SLC24A4: variants seen among roughly 807,000 people sequenced by gnomAD.
SLC24A4 encodes solute carrier family 24 member 4.
Under a neutral mutation model 79.0 loss-of-function variants are expected in SLC24A4, and 53 were observed. The ratio of observed to expected loss-of-function variants is 0.67; its 90% confidence interval spans 0.54 to 0.84. The LOEUF (loss-of-function observed/expected upper bound fraction) is 0.84. Among genes scored for constraint, SLC24A4 ranks in the 40% least tolerant of loss-of-function variants. The pLI is 0.00. For missense variants in SLC24A4, 731 were observed against 822.0 expected (o/e 0.89, Z 1.35); for synonymous variants, 323 against 323.8 (o/e 1.00, Z 0.03).
rs1436114486 is a variant in SLC24A4 at position 92,353,283 on chromosome 14, C to T, written c.241+27305C>T. On this transcript the variant is annotated intron_variant, in intron 2 of 16. Coordinates refer to ENST00000532405, the MANE Select transcript of SLC24A4 (RefSeq NM_153646.4). This position sits in a 1 kb window ranked among gnomAD's most constrained non-coding sequence, Gnocchi z 4.1. ...AATAATTAAATGTTTCTTTTCCCAT[C>T]CTTTAATCATCTACATAGTATTCTA... Among the ~76,000 whole-genome samples the T allele has an allele frequency of 2.6e-5, 4 of 152,206 alleles. No homozygotes were observed. Among genetic ancestry groups the T allele is most frequent in the Non-Finnish European group, 5.9e-5 (4 of 68,044 alleles).
At chr14:92,493,017 C>T (rs34875253) in intron 16 of SLC24A4, 1 of 280,910 alleles carries the variant, frequency 3.6e-6, no homozygotes. Context: ...CACACACACA[C>T]AGAGAAAGAT....
At chr14:92,377,293 A>G (rs1207946952) in intron 2 of SLC24A4, among the ~76,000 whole-genome samples, 1 of 152,176 alleles carries the variant, frequency 6.6e-6, no homozygotes, top group Non-Finnish European at 1.5e-5. Context: ...ATTTAGATGA[A>G]CCCACATTTA....
chr14:92,346,596 T>G (rs1259742210), intron 2 of SLC24A4, among the ~76,000 whole-genome samples: 1 of 152,218 alleles, frequency 6.6e-6, no homozygotes, highest in Non-Finnish European at 1.5e-5. Flanking sequence ...CAAGCTGTTA[T>G]TTATATTGCA....
chr14:92,397,285 C>G (rs911362078), intron 2 of SLC24A4, among the ~76,000 whole-genome samples: 5 of 152,192 alleles, frequency 3.3e-5, no homozygotes, highest in Admixed American at 2.6e-4. Flanking sequence ...GTCCCCAGCT[C>G]CTTCTGCTCC....
chr14:92,418,376 C>G (rs545999906), intron 2 of SLC24A4, among the ~76,000 whole-genome samples: 282 of 152,320 alleles, frequency 1.9e-3, no homozygotes, highest in Non-Finnish European at 3.4e-3. Flanking sequence ...TGGCTCCTCA[C>G]TCTTCCCATC....
intron 7 of SLC24A4, among the ~76,000 whole-genome samples, chr14:92,444,903 T>C (rs1325112540): frequency 4.0e-5 from 6 of 148,230 alleles, no homozygotes; most frequent in South Asian, 2.1e-4. Flanking sequence ...ACACCATATA[T>C]ACACACACAC....
chr14:92,330,756 CTCTT>C (rs1302845133), intron 2 of SLC24A4, among the ~76,000 whole-genome samples: 5 of 152,212 alleles, frequency 3.3e-5, no homozygotes, highest in African/African-American at 1.2e-4. Context: ...CACACAGTCT[CTCTT>C]TCTCCTCTTA....
chr14:92,495,813 A>T lies in SLC24A4; in HGVS notation c.*2185A>T, dbSNP rs1245153456. ...CACTTGGGGAGTGAGTGTGGGTATG[A>T]CTTTACCCTCCTGGTTGGTTCTTAC... On this transcript the variant is annotated 3_prime_UTR_variant, in exon 17 of 17. Coordinates refer to ENST00000532405, the MANE Select transcript of SLC24A4 (RefSeq NM_153646.4). The T allele has an allele frequency of 1.3e-5, 2 of 152,148 alleles. No homozygotes were observed. The highest frequency in any genetic ancestry group is 2.4e-5 in the African/African-American group (1 of 41,416). The allele number at this position is 152,148 out of a possible 1,614,324, so 9.4% of individuals were successfully genotyped here.
At chr14:92,428,343 C>G (rs1891679585) in intron 2 of SLC24A4, among the ~76,000 whole-genome samples, 1 of 152,170 alleles carries the variant, frequency 6.6e-6, no homozygotes, top group Admixed American at 6.5e-5. Flanking sequence ...TGCAAGGGGG[C>G]CAAGCTCCTC....
chr14:92,463,455 C>T (rs978344460), intron 12 of SLC24A4, among the ~76,000 whole-genome samples: 2 of 152,130 alleles, frequency 1.3e-5, no homozygotes, highest in Non-Finnish European at 2.9e-5. Context: ...AGACACACAG[C>T]ACTTTGTAGT....
chr14:92,411,248 C>T (rs377269642), intron 2 of SLC24A4, among the ~76,000 whole-genome samples: 187 of 152,274 alleles, frequency 1.2e-3, no homozygotes, highest in African/African-American at 4.1e-3. Flanking sequence ...GGAAACTCAC[C>T]GTTGAGTTGA....
intron 3 of SLC24A4, 125 bp downstream of exon 3, chr14:92,434,113 A>G (rs2139790925): frequency 1.3e-6 from 1 of 763,222 alleles, no homozygotes; most frequent in Non-Finnish European, 2.3e-6. Flanking sequence ...GAGAGCGGAG[A>G]CTGGGCATGT....
At chr14:92,339,479 A>G (rs966379872) in intron 2 of SLC24A4, among the ~76,000 whole-genome samples, 1 of 152,156 alleles carries the variant, frequency 6.6e-6, no homozygotes, top group Non-Finnish European at 1.5e-5. Context: ...CATCCCCATT[A>G]TACGAAAGAT....
chr14:92,383,650 AGAGAGACT>A (rs1451925226), intron 2 of SLC24A4, among the ~76,000 whole-genome samples: 1 of 152,188 alleles, frequency 6.6e-6, no homozygotes, highest in Admixed American at 6.5e-5. Flanking sequence ...CTGAGGGCAG[AGAGAGACT>A]GTATCAACCC....
At chr14:92,341,204 A>G (rs999612695) in intron 2 of SLC24A4, among the ~76,000 whole-genome samples, 1 of 152,176 alleles carries the variant, frequency 6.6e-6, no homozygotes, top group Non-Finnish European at 1.5e-5. Context: ...GGGAGGGGCC[A>G]CTGGCGCCTT....
intron 2 of SLC24A4, among the ~76,000 whole-genome samples, chr14:92,382,352 A>G (rs1397341821): frequency 6.6e-6 from 1 of 152,158 alleles, no homozygotes; most frequent in African/African-American, 2.4e-5. Flanking sequence ...TAGGCAAATC[A>G]GTTCACCTCT....
In SLC24A4 at chr14:92,351,593, A is replaced by G. The variant is rs564079815; in HGVS notation, c.241+25615A>G. Among the ~76,000 whole-genome samples, 39 of 152,350 alleles carry G rather than the reference A, an allele frequency of 2.6e-4. No homozygotes were observed. In the East Asian group the frequency reaches 6.7e-3, roughly 26 times the overall value. On this transcript the variant is annotated intron_variant, in intron 2 of 16. Coordinates refer to ENST00000532405, the MANE Select transcript of SLC24A4 (RefSeq NM_153646.4). The stretch of plus-strand genomic sequence containing the variant: ...GCAGGCAGGCCGGGGGCTGTGGCTC[A>G]TGCATGTAATCCCAGAACTTCGGGA...
At chr14:92,411,132 G>A (rs969865842) in intron 2 of SLC24A4, among the ~76,000 whole-genome samples, 1 of 152,164 alleles carries the variant, frequency 6.6e-6, no homozygotes, top group African/African-American at 2.4e-5. Flanking sequence ...ATTTGGTGAG[G>A]ATGGGGGCTG....
In SLC24A4 at chr14:92,498,515, T is replaced by C. The variant is rs1220916798; in HGVS notation, c.*4887T>C. The C allele has an allele frequency of 6.6e-6, 1 of 152,020 alleles. No homozygotes were observed. Among genetic ancestry groups the C allele is most frequent in the East Asian group, 1.9e-4 (1 of 5,206 alleles). 9.4% of individuals were successfully genotyped at this position (152,020 alleles called of 1,614,324 possible). A position where few individuals can be genotyped will look rare whatever the true frequency, so the allele number is the denominator to read the frequency against. The stretch of plus-strand genomic sequence containing the variant: ...TTTAAAAAGGCTTTTTTTTTTTTTT[T>C]TGAGACAGGGTCTCGCTCTGTCGCC... On this transcript the variant is annotated 3_prime_UTR_variant, in exon 17 of 17. Coordinates refer to ENST00000532405, the MANE Select transcript of SLC24A4 (RefSeq NM_153646.4).
Sources: gnomAD v4.1 joint callset for allele counts (sites outside exome capture counted in the v4.1 genomes callset) on GRCh38, gnomAD v4.1.1 for gene constraint, Gnocchi (gnomAD v3.1) non-coding constraint, MANE v1.5 for transcripts, NCBI Gene and HGNC (gene_info 2026-07-23, HGNC 2026-07-21) for gene names.